Variants in SEC24D observed in about 807,000 individuals in gnomAD.
SEC24D encodes the protein protein transport protein Sec24D.
A neutral mutation model predicts 116.9 loss-of-function variants in SEC24D; 69 were observed. The observed-to-expected ratio is 0.59, with a 90% CI of 0.49 to 0.72. The LOEUF (loss-of-function observed/expected upper bound fraction) is 0.72. Ranked by LOEUF, SEC24D falls within the 30% of genes least tolerant of loss-of-function variation. The probability of loss-of-function intolerance (pLI) is 0.00; values close to 1 mark genes in which losing one functional copy is unlikely to be tolerated. For missense variants in SEC24D, 1,131 were observed against 1,264.1 expected (o/e 0.89, Z 1.60); for synonymous variants, 405 against 442.8 (o/e 0.91, Z 1.07).
intron 7 of SEC24D, among the ~76,000 whole-genome samples, chr4:118,800,700 C>T (rs375150484): frequency 6.6e-6 from 1 of 152,200 alleles, no homozygotes; most frequent in Admixed American, 6.5e-5. Flanking sequence ...AAGACTGTTA[C>T]GTGTAAACTC....
intron 11 of SEC24D, among the ~76,000 whole-genome samples, chr4:118,757,325 T>A (rs961042553): frequency 2.0e-5 from 3 of 152,190 alleles, no homozygotes; most frequent in African/African-American, 7.2e-5. Context: ...CTACCATCTC[T>A]GCCATAAGAC....
Position 118,815,594 on chromosome 4 carries a change from G to A in SEC24D, c.530C>T (p.Thr177Ile), listed in dbSNP as rs1393940640. The A allele has an allele frequency of 1.9e-6, 3 of 1,614,088 alleles. No homozygotes were observed. The highest frequency in any genetic ancestry group is 3.3e-5 in the Admixed American group (2 of 60,008). The part of the protein sequence containing the change: ...GSQVLPPPPT[T>I]LNGPGASPLP... The stretch of plus-strand genomic sequence containing the variant: ...AGGTGAGGCACCAGGACCATTGAGT[G>A]TGGTGGGTGGTGGTGGAAGAACTTG... Residue 177 changes from threonine (T) to isoleucine (I), a missense_variant, in exon 5 of 23, where the codon ACA becomes ATA. Coordinates refer to ENST00000280551, the MANE Select transcript of SEC24D (RefSeq NM_014822.4).
intron 6 of SEC24D, among the ~76,000 whole-genome samples, chr4:118,807,522 GAA>G (rs149393508): frequency 2.1e-5 from 3 of 144,134 alleles, no homozygotes; most frequent in African/African-American, 2.5e-5. Flanking sequence ...GTAAGAAGAG[GAA>G]AAAAAAAAAA....
chr4:118,789,732 G>A (rs1218030790), intron 8 of SEC24D, among the ~76,000 whole-genome samples: 1 of 152,042 alleles, frequency 6.6e-6, no homozygotes, highest in Non-Finnish European at 1.5e-5. Flanking sequence ...CTACAGGCAC[G>A]TGCCACCATG....
chr4:118,813,642 C>T (rs895657998), intron 6 of SEC24D, among the ~76,000 whole-genome samples: 7 of 152,226 alleles, frequency 4.6e-5, no homozygotes, highest in Admixed American at 6.5e-5. Flanking sequence ...AGAGCCCTTA[C>T]GACCCAATCA....
At chr4:118,803,067 CAG>C (rs1169372308) in intron 7 of SEC24D, among the ~76,000 whole-genome samples, 1 of 152,052 alleles carries the variant, frequency 6.6e-6, no homozygotes, top group Non-Finnish European at 1.5e-5. Context: ...GAACGTAGAA[CAG>C]AGTCTACCAG....
At chr4:118,779,738 T>A (rs1335534801) in intron 8 of SEC24D, among the ~76,000 whole-genome samples, 1 of 152,216 alleles carries the variant, frequency 6.6e-6, no homozygotes, top group African/African-American at 2.4e-5. Flanking sequence ...GGTCCTGGAA[T>A]TTTTTTGGTT....
chr4:118,807,655 T>C (rs1352474604), intron 6 of SEC24D, among the ~76,000 whole-genome samples: 1 of 152,158 alleles, frequency 6.6e-6, no homozygotes, highest in Non-Finnish European at 1.5e-5. Flanking sequence ...AACTCTGAAA[T>C]GTTGCTTTCT....
intron 3 of SEC24D, 76 bp from the exon 4 acceptor site, chr4:118,817,488 G>A: frequency 9.3e-6 from 12 of 1,296,028 alleles, no homozygotes; most frequent in Middle Eastern, 1.9e-4. Flanking sequence ...TTAATAGCTT[G>A]TAAAATTAAA....
intron 8 of SEC24D, among the ~76,000 whole-genome samples, chr4:118,796,676 TC>T (rs1729194613): frequency 6.6e-6 from 1 of 152,160 alleles, no homozygotes; most frequent in Non-Finnish European, 1.5e-5. Context: ...AGCTTCCTCC[TC>T]CCCTTCCTCA....
At position 118,752,689 on chromosome 4, in the gene SEC24D, A is replaced by G; in HGVS notation, c.1613+8T>C. On this transcript the variant is annotated splice_region_variant and intron_variant, in intron 12 of 22. Transcript: ENST00000280551. ...TTACTTTTAAATTATAAAACACTTGATATTTACTTATGAATCACAGATTGG... is the reference window on the plus strand; with the variant it reads ...TTACTTTTAAATTATAAAACACTTGGTATTTACTTATGAATCACAGATTGG... 1.3e-6 allele frequency: 2 copies of G among 1,579,502 alleles called. No homozygotes were observed. The highest frequency in any genetic ancestry group is 1.8e-5 in the Admixed American group (1 of 54,806).
chr4:118,733,504 A>C (rs116578331), intron 19 of SEC24D, among the ~76,000 whole-genome samples: 1 of 152,202 alleles, frequency 6.6e-6, no homozygotes, highest in South Asian at 2.1e-4. Context: ...TCATCAAAAA[A>C]ATATTAAATG....
intron 11 of SEC24D, among the ~76,000 whole-genome samples, chr4:118,756,056 G>A (rs1314392328): frequency 2.0e-5 from 3 of 152,104 alleles, no homozygotes; most frequent in East Asian, 1.9e-4. Context: ...AGGAACAAGG[G>A]ACTGGTGAAG....
intron 10 of SEC24D, among the ~76,000 whole-genome samples, chr4:118,759,123 T>C (rs1453357083): frequency 6.6e-6 from 1 of 152,226 alleles, no homozygotes; most frequent in Non-Finnish European, 1.5e-5. Flanking sequence ...ATCTCCAATT[T>C]GCACATTTCT....
chr4:118,772,485 G>GA (rs771094522), intron 8 of SEC24D, among the ~76,000 whole-genome samples: 11 of 152,280 alleles, frequency 7.2e-5, no homozygotes, highest in East Asian at 5.8e-4. Context: ...ACATTGTATA[G>GA]AAACTACAGA....
intron 2 of SEC24D, among the ~76,000 whole-genome samples, chr4:118,832,656 A>G (rs55671478): frequency 0.044 from 6,652 of 152,312 alleles, 201 homozygotes; most frequent in Non-Finnish European, 0.064. Flanking sequence ...CCAGACATTC[A>G]GTTTTCCTAG....
intron 22 of SEC24D, among the ~76,000 whole-genome samples, chr4:118,726,231 G>T (rs1725405394): frequency 6.6e-6 from 1 of 152,184 alleles, no homozygotes; most frequent in South Asian, 2.1e-4. Flanking sequence ...CGAGAAGAGA[G>T]CCATGATACA....
chr4:118,760,129 C>T (rs1419178919), intron 10 of SEC24D, among the ~76,000 whole-genome samples: 2 of 152,116 alleles, frequency 1.3e-5, no homozygotes, highest in Non-Finnish European at 2.9e-5. Context: ...AAATTTAGAT[C>T]CTCAATTTCT....
intron 14 of SEC24D, 25 bp from the exon 15 acceptor site, chr4:118,744,183 G>T: frequency 1.3e-6 from 2 of 1,493,068 alleles, no homozygotes; most frequent in South Asian, 2.6e-5. Context: ...CAAAAAAAAA[G>T]AAAAAATAAA....
Sources: allele counts gnomAD v4.1 joint callset (sites outside exome capture counted in the v4.1 genomes callset), GRCh38; gene constraint gnomAD v4.1.1; transcripts MANE v1.5; gene names NCBI Gene and HGNC (gene_info 2026-07-23, HGNC 2026-07-21).